ZNF100: variants seen among roughly 807,000 people sequenced by gnomAD.
ZNF100 encodes the protein zinc finger protein 100.
In ZNF100, 12 loss-of-function variants were observed where a neutral mutation model predicts 15.8. That is an observed-to-expected ratio of 0.76 (90% CI 0.49 to 1.23). The LOEUF is 1.23. Ranked by LOEUF, ZNF100 falls within the 50% of genes most tolerant of loss-of-function variation. The probability of loss-of-function intolerance (pLI) is 0.00; values close to 1 mark genes in which losing one functional copy is unlikely to be tolerated. For missense variants in ZNF100, 670 were observed against 635.6 expected, an observed-to-expected ratio of 1.05 and a Z score of -0.58; for synonymous variants, 226 against 214.8, an observed-to-expected ratio of 1.05 and a Z score of -0.45.
rs1163315014 is a variant in ZNF100, at chr19:21,728,542, A to C, written c.323-553T>G. Reference sequence around the variant, plus strand: ...GGTGTAGCACGTGATTATTATTAAGAAGAAACATGAATAAACTCCTTTAAC... The same window carrying C: ...GGTGTAGCACGTGATTATTATTAAGCAGAAACATGAATAAACTCCTTTAAC... On this transcript the variant is annotated intron_variant, in intron 4 of 4. Coordinates refer to ENST00000358296, the MANE Select transcript of ZNF100 (RefSeq NM_173531.4). Among the ~76,000 whole-genome samples the C allele has an allele frequency of 4.6e-5, 7 of 152,246 alleles. No individual in the cohort carries two copies. In the East Asian group the frequency reaches 1.3e-3, roughly 29 times the overall value.
At chr19:21,742,294 C>A (rs1322740970) in intron 4 of ZNF100, among the ~76,000 whole-genome samples, 1 of 136,962 alleles carries the variant, frequency 7.3e-6, no homozygotes, top group Admixed American at 7.2e-5. Flanking sequence ...AAGACTCTGT[C>A]CCCCACCCAA....
chr19:21,734,562 A>G (rs2145697528), intron 4 of ZNF100, among the ~76,000 whole-genome samples: 1 of 152,348 alleles, frequency 6.6e-6, no homozygotes, highest in Non-Finnish European at 1.5e-5. Flanking sequence ...GATTATGTAA[A>G]CAGACCAAAC....
At chr19:21,764,159 G>A (rs1027921114) in intron 2 of ZNF100, among the ~76,000 whole-genome samples, 6 of 152,210 alleles carry the variant, frequency 3.9e-5, no homozygotes, top group African/African-American at 9.6e-5. Context: ...TAACAAGGCC[G>A]TTATTAAATT....
chr19:21,766,445 A>ATT (rs35317866), intron 1 of ZNF100, among the ~76,000 whole-genome samples: 34,872 of 147,580 alleles, frequency 0.24, 4,312 homozygotes, highest in South Asian at 0.28. Flanking sequence ...ACTCAGGTGC[A>ATT]TTTTTTTTTT....
intron 2 of ZNF100, among the ~76,000 whole-genome samples, chr19:21,763,362 C>T (rs1226833904): frequency 2.0e-5 from 3 of 151,954 alleles, no homozygotes; most frequent in African/African-American, 4.8e-5. Flanking sequence ...TTTGGGAGAC[C>T]GAGGTGGGCA....
intron 2 of ZNF100, among the ~76,000 whole-genome samples, chr19:21,745,837 T>C (rs1036955793): frequency 1.3e-5 from 2 of 152,194 alleles, no homozygotes; most frequent in Non-Finnish European, 2.9e-5. Flanking sequence ...TCTGAATTTC[T>C]AACGAGCTCA....
intron 4 of ZNF100, among the ~76,000 whole-genome samples, chr19:21,736,555 T>C (rs1489304437): frequency 6.6e-6 from 1 of 152,208 alleles, no homozygotes; most frequent in Non-Finnish European, 1.5e-5. Flanking sequence ...GTGGACCTGA[T>C]AGATATTTAC....
chr19:21,735,203 T>C (rs1419866387), intron 4 of ZNF100, among the ~76,000 whole-genome samples: 5 of 152,064 alleles, frequency 3.3e-5, no homozygotes, highest in Non-Finnish European at 7.3e-5. Context: ...CATAACAATA[T>C]TAACCTTAAA....
In ZNF100 at chr19:21,765,700, A is replaced by C; in HGVS notation, c.90T>G (p.Phe30Leu). 6.2e-7 allele frequency: 1 copy of C among 1,614,114 alleles called. No homozygotes were observed. The highest frequency in any genetic ancestry group is 8.5e-7 in the Non-Finnish European group (1 of 1,180,000). Residue 30 changes from phenylalanine (F) to leucine (L), a missense_variant, in exon 2 of 5, where the codon TTT (phenylalanine) becomes TTG (leucine). Coordinates refer to ENST00000358296, the MANE Select transcript of ZNF100 (RefSeq NM_173531.4). ...TAATGTCTCAAGGGGTTACCTTTTC[A>C]AAATAAGACTGCACCAGAAGACTCC... The part of the protein sequence containing the change: ...AERSLLVQSY[F>L]EKGPLTFRDV...
chr19:21,750,758 C>T (rs957408128), intron 2 of ZNF100: 42 of 357,732 alleles, frequency 1.2e-4, no homozygotes, highest in East Asian at 1.1e-3. Context: ...CTGGGCTGCG[C>T]CATTGTTGGG....
chr19:21,745,131 T>A (rs1002919649), intron 2 of ZNF100, 64 bp from the exon 3 acceptor site: 1 of 1,545,058 alleles, frequency 6.5e-7, no homozygotes, highest in Non-Finnish European at 8.7e-7. Flanking sequence ...GAATTTATTA[T>A]TTGAATTAAA....
At chr19:21,750,731 G>T in intron 2 of ZNF100, 1 of 307,648 alleles carries the variant, frequency 3.3e-6, no homozygotes, top group Non-Finnish European at 5.9e-6. Flanking sequence ...GGAGGCACCT[G>T]CTTGCGCGGG....
At chr19:21,744,213 A>T (rs776378393) in intron 3 of ZNF100, 98 bp from the exon 4 acceptor site, 9 of 1,090,994 alleles carry the variant, frequency 8.2e-6, no homozygotes, top group Non-Finnish European at 1.1e-5. Context: ...TATTCTAGAA[A>T]ATTAATCCTA....
chr19:21,727,825 TATC>T lies in ZNF100; in HGVS notation c.484_486del (p.Asp162del), dbSNP rs746311067. 4.6e-5 allele frequency: 75 copies of T among 1,613,222 alleles called. No individual in the cohort carries two copies. The highest frequency in any genetic ancestry group is 7.7e-5 in the South Asian group (7 of 90,876). ...GTTATCAAACACTGGTTTAATTTGT[TATC>T]ATGTTCTTTGTGCACTTTACACTCA... On this transcript the variant is annotated inframe_deletion, in exon 5 of 5. Transcript: ENST00000358296.
At chr19:21,744,761 A>G (rs1338366350) in intron 3 of ZNF100, among the ~76,000 whole-genome samples, 180 bp downstream of exon 3, 1 of 152,166 alleles carries the variant, frequency 6.6e-6, no homozygotes, top group Non-Finnish European at 1.5e-5. Flanking sequence ...AGGAATATGG[A>G]AAGTTCAGGT....
In ZNF100 at chr19:21,750,740, G is replaced by A. The variant is rs140100893; in HGVS notation, c.97-5673C>T. The A allele has an allele frequency of 6.3e-3, 2,024 of 321,714 alleles. 37 individuals are homozygous for A. The highest frequency in any genetic ancestry group is 0.04 in the African/African-American group (1,851 of 46,650). The allele number at this position is 321,714 out of a possible 1,614,324, so 19.9% of individuals were successfully genotyped here. A position where few individuals can be genotyped will look rare whatever the true frequency, so the allele number is the denominator to read the frequency against. On this transcript the variant is annotated intron_variant, in intron 2 of 4. Coordinates refer to ENST00000358296, the MANE Select transcript of ZNF100 (RefSeq NM_173531.4). Reference sequence around the variant, plus strand: ...CAGCGAGGAGGCACCTGCTTGCGCGGGTGCAGCCTGGGCTGCGCCATTGTT... The same window carrying A: ...CAGCGAGGAGGCACCTGCTTGCGCGAGTGCAGCCTGGGCTGCGCCATTGTT...
At chr19:21,734,572 C>T (rs2035976332) in intron 4 of ZNF100, among the ~76,000 whole-genome samples, 3 of 152,056 alleles carry the variant, frequency 2.0e-5, no homozygotes, top group Admixed American at 2.0e-4. Flanking sequence ...ACAGACCAAA[C>T]TTACAACTGA....
intron 2 of ZNF100, chr19:21,751,977 T>C: frequency 2.5e-6 from 1 of 393,616 alleles, no homozygotes; most frequent in Non-Finnish European, 4.6e-6. Flanking sequence ...ACTGGAGAAA[T>C]ACCACCTTTC....
At chr19:21,729,472 G>A (rs1030403198) in intron 4 of ZNF100, among the ~76,000 whole-genome samples, 13 of 151,604 alleles carry the variant, frequency 8.6e-5, no homozygotes, top group African/African-American at 1.7e-4. Flanking sequence ...TAATGTAAAC[G>A]ACGAGTTAAT....
Sources: gnomAD v4.1 joint callset for allele counts (sites outside exome capture counted in the v4.1 genomes callset) on GRCh38, gnomAD v4.1.1 for gene constraint, MANE v1.5 for transcripts, NCBI Gene and HGNC (gene_info 2026-07-23, HGNC 2026-07-21) for gene names.